Variants in DGKB observed in about 807,000 individuals in gnomAD.
DGKB encodes the protein 90 kDa diacylglycerol kinase.
DGKB carries 67 observed loss-of-function variants against 114.3 expected under a neutral mutation model. The ratio of observed to expected loss-of-function variants is 0.59; its 90% CI spans 0.48 to 0.72. The LOEUF (loss-of-function observed/expected upper bound fraction) is 0.72, where lower values mean the gene tolerates loss of function less well. DGKB is among the 30% of genes least tolerant of loss of function. The pLI is 0.00. For missense variants in DGKB, 907 were observed against 975.2 expected (o/e 0.93, Z 0.93); for synonymous variants, 398 against 323.1 (o/e 1.23, Z -2.49).
rs1322573190 is a variant in DGKB at position 14,607,528 on chromosome 7, G to A, written c.1359-20C>T. 2 of 1,240,510 alleles carry A rather than the reference G, an allele frequency of 1.6e-6. No individual in the cohort carries two copies. Among genetic ancestry groups the A allele is most frequent in the South Asian group, 2.5e-5 (2 of 79,114 alleles). 76.8% of individuals were successfully genotyped at this position (1,240,510 alleles called of 1,614,324 possible). ...TAAATTCTATAAAGGTGAAAATGTG[G>A]GGAAAAAATTTAATAATATTCAATA... On this transcript the variant is annotated intron_variant, in intron 16 of 25. Coordinates refer to ENST00000402815, the MANE Select transcript of DGKB (RefSeq NM_001350709.2).
chr7:14,572,483 A>C (rs1798549559), intron 20 of DGKB, among the ~76,000 whole-genome samples: 1 of 151,896 alleles, frequency 6.6e-6, no homozygotes, highest in African/African-American at 2.4e-5. Flanking sequence ...AATAAAGTAT[A>C]AAGTATAGTA....
chr7:14,762,611 C>G (rs1005507092), intron 2 of DGKB, among the ~76,000 whole-genome samples: 3 of 152,134 alleles, frequency 2.0e-5, no homozygotes, highest in East Asian at 1.9e-4. Context: ...CCTCTCACAT[C>G]TCTTTAGGCA....
At chr7:14,824,438 G>C (rs891681811) in intron 2 of DGKB, among the ~76,000 whole-genome samples, 1 of 152,138 alleles carries the variant, frequency 6.6e-6, no homozygotes, top group African/African-American at 2.4e-5. Flanking sequence ...AGAAATAAGT[G>C]AGAAGACAGA....
chr7:14,543,114 C>T (rs1017124371), intron 20 of DGKB, among the ~76,000 whole-genome samples: 3 of 152,044 alleles, frequency 2.0e-5, no homozygotes, highest in African/African-American at 7.2e-5. Context: ...AGCAAGTGTC[C>T]ATTTTATTAA....
intron 23 of DGKB, among the ~76,000 whole-genome samples, chr7:14,261,354 T>G (rs61372056): frequency 0.16 from 23,633 of 152,076 alleles, 2,120 homozygotes; most frequent in African/African-American, 0.25. Context: ...AATGTATAGG[T>G]GGCCTCTTCA....
chr7:14,871,298 A>G (rs533742218), intron 1 of DGKB, among the ~76,000 whole-genome samples: 5 of 152,256 alleles, frequency 3.3e-5, no homozygotes, highest in South Asian at 2.1e-4. Flanking sequence ...AAAATACATA[A>G]TACATTTTTA....
chr7:14,415,550 T>C (rs1343685617), intron 21 of DGKB, among the ~76,000 whole-genome samples: 3 of 151,970 alleles, frequency 2.0e-5, no homozygotes, highest in Admixed American at 1.3e-4. Flanking sequence ...GATAGTTTGC[T>C]GAGAATGATG....
chr7:14,279,331 G>A (rs188403664), intron 23 of DGKB, among the ~76,000 whole-genome samples: 3 of 152,294 alleles, frequency 2.0e-5, no homozygotes, highest in East Asian at 1.9e-4. Flanking sequence ...GCCCAGGCTT[G>A]ATTAGGTAAA....
At chr7:14,854,488 A>G (rs903785711) in intron 1 of DGKB, among the ~76,000 whole-genome samples, 12 of 152,180 alleles carry the variant, frequency 7.9e-5, no homozygotes, top group African/African-American at 2.4e-4. Context: ...TTTTGGGATG[A>G]AACTGTTCCA....
chr7:14,528,843 T>C (rs1791078831), intron 20 of DGKB, among the ~76,000 whole-genome samples: 2 of 152,072 alleles, frequency 1.3e-5, no homozygotes, highest in African/African-American at 2.4e-5. Flanking sequence ...TGCCTTTTAA[T>C]AGTTCTTATA....
At chr7:14,846,547 C>T (rs944170863) in intron 1 of DGKB, among the ~76,000 whole-genome samples, 3 of 152,236 alleles carry the variant, frequency 2.0e-5, no homozygotes, top group Non-Finnish European at 4.4e-5. Flanking sequence ...CCCGCCTCTT[C>T]ATAAATGGGT....
chr7:14,743,675 T>C (rs1012870587), intron 4 of DGKB, among the ~76,000 whole-genome samples: 5 of 152,232 alleles, frequency 3.3e-5, no homozygotes, highest in African/African-American at 1.2e-4. Flanking sequence ...TCCAGAATTT[T>C]ATGGGATTTC....
At chr7:14,525,516 G>A (rs1790501660) in intron 20 of DGKB, among the ~76,000 whole-genome samples, 1 of 152,120 alleles carries the variant, frequency 6.6e-6, no homozygotes, top group Non-Finnish European at 1.5e-5. Flanking sequence ...GAATCATTCT[G>A]CCCAACAAGG....
intron 21 of DGKB, among the ~76,000 whole-genome samples, chr7:14,351,449 A>G (rs1260513152): frequency 2.0e-5 from 3 of 152,206 alleles, no homozygotes; most frequent in Non-Finnish European, 4.4e-5. Flanking sequence ...AGGTCAGTGC[A>G]GAGGGAAAGG....
intron 6 of DGKB, among the ~76,000 whole-genome samples, chr7:14,714,431 G>A (rs1483664855): frequency 1.3e-5 from 2 of 151,998 alleles, no homozygotes; most frequent in African/African-American, 4.8e-5. Flanking sequence ...GTGTATGCAC[G>A]CCAAGTTAAG....
intron 2 of DGKB, among the ~76,000 whole-genome samples, chr7:14,778,983 C>G (rs1422695556): frequency 6.6e-6 from 1 of 152,028 alleles, no homozygotes; most frequent in Non-Finnish European, 1.5e-5. Context: ...TGGTGAAACC[C>G]CACCTCTACT....
At chr7:14,836,971 C>T (rs1473682030) in intron 2 of DGKB, among the ~76,000 whole-genome samples, 1 of 152,208 alleles carries the variant, frequency 6.6e-6, no homozygotes, top group Non-Finnish European at 1.5e-5. Flanking sequence ...GAAGAACACA[C>T]TCCCTCTCTA....
At chr7:14,698,252 C>A in intron 7 of DGKB, 83 bp from the exon 8 acceptor site, 1 of 821,252 alleles carries the variant, frequency 1.2e-6, no homozygotes, top group South Asian at 1.7e-5. Context: ...TTGTTTTGTT[C>A]AATGTGTAGC....
chr7:14,519,414 A>T (rs1200217864), intron 20 of DGKB, among the ~76,000 whole-genome samples: 1 of 152,108 alleles, frequency 6.6e-6, no homozygotes, highest in Admixed American at 6.6e-5. Context: ...GTTATAGCAC[A>T]TAGCAATATT....
Sources: gnomAD v4.1 joint callset for allele counts (sites outside exome capture counted in the v4.1 genomes callset) on GRCh38, gnomAD v4.1.1 for gene constraint, MANE v1.5 for transcripts, NCBI Gene and HGNC (gene_info 2026-07-23, HGNC 2026-07-21) for gene names.